GLRA3: variants seen among roughly 807,000 people sequenced by gnomAD.
GLRA3 encodes glycine receptor alpha 3, also known as glycine receptor subunit alpha-3.
Under a neutral mutation model 60.4 loss-of-function variants are expected in GLRA3, and 44 were observed. That is an observed-to-expected ratio of 0.73 (90% CI 0.57 to 0.94). The LOEUF (loss-of-function observed/expected upper bound fraction) is 0.94. GLRA3 is among the 40% of genes least tolerant of loss of function. The pLI is 0.00. For missense variants in GLRA3, 508 were observed against 564.6 expected, an observed-to-expected ratio of 0.90 and a Z score of 1.02; for synonymous variants, 223 against 192.9, an observed-to-expected ratio of 1.16 and a Z score of -1.29.
At chr4:174,670,056 A>G (rs1472690061) in intron 7 of GLRA3, among the ~76,000 whole-genome samples, 2 of 152,200 alleles carry the variant, frequency 1.3e-5, no homozygotes, top group East Asian at 1.9e-4. Flanking sequence ...CTGGAGTTTT[A>G]CCATCATTTT....
chr4:174,743,106 AAG>A (rs1240451839), intron 3 of GLRA3, among the ~76,000 whole-genome samples: 9 of 152,224 alleles, frequency 5.9e-5, no homozygotes, highest in Admixed American at 4.6e-4. Flanking sequence ...TGCAGAAAAT[AAG>A]AGTTTCTGTA....
chr4:174,642,008 G>T lies in GLRA3; in HGVS notation c.*1778C>A. On this transcript the variant is annotated 3_prime_UTR_variant, in exon 10 of 10. Coordinates refer to ENST00000274093, the MANE Select transcript of GLRA3 (RefSeq NM_006529.4). ...TTCAGGTGCACAGTCCTCAACGTGG[G>T]TACTTACAGAGTAACAAATTCTTTT... is the stretch of plus-strand genomic sequence containing the variant. 1 of 250,514 alleles carries T rather than the reference G, an allele frequency of 4.0e-6. No individual in the cohort carries two copies. The highest frequency in any genetic ancestry group is 6.3e-6 in the Non-Finnish European group (1 of 158,414). 15.5% of individuals were successfully genotyped at this position (250,514 alleles called of 1,614,324 possible). A position where few individuals can be genotyped will look rare whatever the true frequency, so the allele number is the denominator to read the frequency against.
chr4:174,732,858 C>T (rs1736609088), intron 3 of GLRA3, among the ~76,000 whole-genome samples: 1 of 150,542 alleles, frequency 6.6e-6, no homozygotes, highest in African/African-American at 2.4e-5. Flanking sequence ...TATACATATT[C>T]ATCAATATAG....
chr4:174,697,171 A>T (rs900729317), intron 5 of GLRA3, among the ~76,000 whole-genome samples: 3 of 152,224 alleles, frequency 2.0e-5, no homozygotes, highest in Non-Finnish European at 2.9e-5. Context: ...CTGTGAATAC[A>T]CTTAAGTTGA....
At chr4:174,676,337 T>A (rs1252490904) in intron 7 of GLRA3, among the ~76,000 whole-genome samples, 2 of 139,182 alleles carry the variant, frequency 1.4e-5, no homozygotes, top group African/African-American at 5.5e-5. Context: ...ACAAAAATAA[T>A]ATATACCATA....
intron 3 of GLRA3, among the ~76,000 whole-genome samples, chr4:174,753,418 C>T (rs554318497): frequency 1.3e-5 from 2 of 152,288 alleles, no homozygotes; most frequent in African/African-American, 4.8e-5. Flanking sequence ...CACTAATTGA[C>T]ATGCTAGATT....
intron 6 of GLRA3, among the ~76,000 whole-genome samples, chr4:174,679,155 C>T (rs1014877971): frequency 6.6e-6 from 1 of 152,044 alleles, no homozygotes; most frequent in African/African-American, 2.4e-5. Flanking sequence ...CCCGGTGCAA[C>T]CCCGTCTCTA....
chr4:174,691,541 G>A (rs113190620), intron 5 of GLRA3, among the ~76,000 whole-genome samples: 7 of 152,058 alleles, frequency 4.6e-5, no homozygotes, highest in South Asian at 2.1e-4. Flanking sequence ...AGGCGCGCGC[G>A]CCGCCACGCC....
chr4:174,740,307 C>T (rs546151911), intron 3 of GLRA3, among the ~76,000 whole-genome samples: 42 of 152,122 alleles, frequency 2.8e-4, no homozygotes, highest in African/African-American at 3.9e-4. Flanking sequence ...TCTCTTGAAG[C>T]GCTCTGAGAC....
chr4:174,658,183 T>C (rs1213044386), intron 8 of GLRA3, among the ~76,000 whole-genome samples: 3 of 152,204 alleles, frequency 2.0e-5, no homozygotes, highest in Non-Finnish European at 4.4e-5. Context: ...TGCCAGGATA[T>C]TGGATCCTTG....
chr4:174,732,467 T>A (rs527434533), intron 3 of GLRA3, among the ~76,000 whole-genome samples: 1 of 152,048 alleles, frequency 6.6e-6, no homozygotes, highest in Non-Finnish European at 1.5e-5. Context: ...ATCCTTATGC[T>A]TGTGCAACAG....
At chr4:174,720,990 A>C (rs2111110738) in intron 4 of GLRA3, among the ~76,000 whole-genome samples, 1 of 149,594 alleles carries the variant, frequency 6.7e-6, no homozygotes, top group African/African-American at 2.5e-5. Flanking sequence ...TATATGTTTT[A>C]TAGAACTGTG....
chr4:174,672,333 T>C (rs575149102), intron 7 of GLRA3, among the ~76,000 whole-genome samples: 2 of 152,270 alleles, frequency 1.3e-5, no homozygotes, highest in South Asian at 4.2e-4. Flanking sequence ...ACCGAAAACT[T>C]AAACAAATAA....
At chr4:174,762,910 G>T (rs1013335271) in intron 3 of GLRA3, among the ~76,000 whole-genome samples, 4 of 151,954 alleles carry the variant, frequency 2.6e-5, no homozygotes, top group African/African-American at 9.7e-5. Flanking sequence ...TCCCACCCCT[G>T]ACCAAAGATA....
At chr4:174,742,026 G>A (rs1258207593) in intron 3 of GLRA3, among the ~76,000 whole-genome samples, 1 of 152,004 alleles carries the variant, frequency 6.6e-6, no homozygotes, top group Admixed American at 6.6e-5. Context: ...CCCTAGCATG[G>A]TTTTTGTGAG....
At chr4:174,659,346 C>G in intron 7 of GLRA3, 149 bp from the exon 8 acceptor site, 1 of 647,820 alleles carries the variant, frequency 1.5e-6, no homozygotes, top group Non-Finnish European at 2.5e-6. Context: ...TTGAAGTTTC[C>G]TTAGTTATTT....
chr4:174,642,832 T>C lies in GLRA3; in HGVS notation c.*954A>G, dbSNP rs1393861904. 3.8e-6 allele frequency: 3 copies of C among 779,280 alleles called. No homozygotes were observed. Among genetic ancestry groups the C allele is most frequent in the Middle Eastern group, 6.6e-4 (1 of 1,516 alleles). The allele number at this position is 779,280 out of a possible 1,614,324, so 48.3% of individuals were successfully genotyped here. A position where few individuals can be genotyped will look rare whatever the true frequency, so the allele number is the denominator to read the frequency against. On this transcript the variant is annotated 3_prime_UTR_variant, in exon 10 of 10. Transcript: ENST00000274093. ...CTTCCATGAATCCATTTTGTTTTCATTGTATTCATTTTTATCAAAATGTAA... is the reference window on the plus strand; with the variant it reads ...CTTCCATGAATCCATTTTGTTTTCACTGTATTCATTTTTATCAAAATGTAA...
At chr4:174,757,263 T>C (rs1249149663) in intron 3 of GLRA3, among the ~76,000 whole-genome samples, 1 of 81,332 alleles carries the variant, frequency 1.2e-5, no homozygotes, top group African/African-American at 3.9e-5. Context: ...AAATTTAAAA[T>C]ACAACATTTA....
chr4:174,816,735 C>T (rs911072418), intron 1 of GLRA3, among the ~76,000 whole-genome samples: 5 of 151,864 alleles, frequency 3.3e-5, no homozygotes, highest in East Asian at 3.9e-4. Context: ...TTTTGCCCCT[C>T]TTCACTGATC....
Sources: allele counts gnomAD v4.1 joint callset (sites outside exome capture counted in the v4.1 genomes callset), GRCh38; gene constraint gnomAD v4.1.1; transcripts MANE v1.5; gene names NCBI Gene and HGNC (gene_info 2026-07-23, HGNC 2026-07-21).